The following TRIO variants were observed in gnomAD, a reference collection of about 807,000 sequenced individuals.
TRIO encodes the protein trio Rho guanine nucleotide exchange factor, also known as triple functional domain protein.
In TRIO, 58 loss-of-function variants were observed where a neutral mutation model predicts 351.9. The observed-to-expected ratio is 0.16, with a 90% CI of 0.13 to 0.21. TRIO has a LOEUF of 0.21. TRIO is among the 10% of genes least tolerant of loss of function. TRIO has a pLI of 1.00. For synonymous variants in TRIO, 1,758 were observed against 1,595.7 expected (o/e 1.10, Z -2.42); for missense variants, 3,201 against 4,027.8 (o/e 0.79, Z 5.56).
At chr5:14,493,698 T>C (rs1756663281) in intron 49 of TRIO, among the ~76,000 whole-genome samples, 1 of 152,228 alleles carries the variant, frequency 6.6e-6, no homozygotes, top group African/African-American at 2.4e-5. Context: ...TCTCTCACTT[T>C]AAATCAAAAG....
Position 14,389,322 on chromosome 5 carries a change from G to A in TRIO, c.3982G>A (p.Glu1328Lys). The A allele has an allele frequency of 6.2e-7, 1 of 1,612,558 alleles. No homozygotes were observed. Among genetic ancestry groups the A allele is most frequent in the South Asian group, 1.1e-5 (1 of 90,794 alleles). ...GTGGGAAATGACCAGTGGCGTGGAA[G>A]AGATTCCACCTGGCATTGTAAACAA... ...YLWEMTSGVE[E>K]IPPGIVNKEL... Residue 1328 changes from glutamate (E) to lysine (K), a missense_variant, in exon 25 of 57, where the codon GAG becomes AAG. Coordinates refer to ENST00000344204, the MANE Select transcript of TRIO (RefSeq NM_007118.4).
At chr5:14,293,244 T>C in intron 6 of TRIO, 110 bp downstream of exon 6, 20 of 1,469,906 alleles carry the variant, frequency 1.4e-5, no homozygotes, top group Non-Finnish European at 1.8e-5. Context: ...GAGTGGCTGT[T>C]GATTGTAGCA....
chr5:14,371,110 A>AT (rs1279874871), intron 18 of TRIO, among the ~76,000 whole-genome samples: 25 of 152,184 alleles, frequency 1.6e-4, no homozygotes, highest in Admixed American at 1.6e-3. Context: ...GTTTTAGATG[A>AT]TTTTGCCCAA....
intron 1 of TRIO, among the ~76,000 whole-genome samples, chr5:14,256,705 C>G (rs1795039711): frequency 6.6e-6 from 1 of 152,218 alleles, no homozygotes; most frequent in African/African-American, 2.4e-5. Flanking sequence ...ATATTTAAAA[C>G]CACCAGGCCC....
At chr5:14,282,284 A>G (rs2152278086) in intron 3 of TRIO, among the ~76,000 whole-genome samples, 1 of 152,302 alleles carries the variant, frequency 6.6e-6, no homozygotes, top group Non-Finnish European at 1.5e-5. Context: ...CTAAGCTTTG[A>G]CTATGTGCCA....
At chr5:14,243,567 C>T (rs1183695448) in intron 1 of TRIO, among the ~76,000 whole-genome samples, 1 of 151,998 alleles carries the variant, frequency 6.6e-6, no homozygotes, top group African/African-American at 2.4e-5. Flanking sequence ...AATGACAAAA[C>T]ATAATATCTT....
intron 34 of TRIO, among the ~76,000 whole-genome samples, chr5:14,460,182 C>G (rs1415425978): frequency 6.6e-6 from 1 of 152,232 alleles, no homozygotes; most frequent in African/African-American, 2.4e-5. Context: ...TCCCAAAGTG[C>G]TGGGATTACA....
rs1743959025 is a variant in TRIO at position 14,359,663 on chromosome 5, G to T, written c.2391+132G>T. 6 of 1,124,052 alleles carry T rather than the reference G, an allele frequency of 5.3e-6. No individual in the cohort carries two copies. In the South Asian group the frequency reaches 9.6e-5, roughly 18 times the overall value. The allele number at this position is 1,124,052 out of a possible 1,614,324, so 69.6% of individuals were successfully genotyped here. A position where few individuals can be genotyped will look rare whatever the true frequency, so the allele number is the denominator to read the frequency against. ...CACACCCCAACCCTCTGCACCAGGAGGGGGTGTGGGAGGGAGAGAGGGTCC... is the reference window on the plus strand; with the variant it reads ...CACACCCCAACCCTCTGCACCAGGATGGGGTGTGGGAGGGAGAGAGGGTCC... On this transcript the variant is annotated intron_variant, in intron 13 of 56. Coordinates refer to ENST00000344204, the MANE Select transcript of TRIO (RefSeq NM_007118.4).
At chr5:14,199,471 G>A (rs749188972) in intron 1 of TRIO, among the ~76,000 whole-genome samples, 2 of 152,178 alleles carry the variant, frequency 1.3e-5, no homozygotes, top group Non-Finnish European at 2.9e-5. Context: ...ATTAGTTCTT[G>A]GAAAATTTTA....
chr5:14,164,921 T>A (rs918275311), intron 1 of TRIO, among the ~76,000 whole-genome samples: 13 of 152,224 alleles, frequency 8.5e-5, no homozygotes, highest in African/African-American at 3.1e-4. Flanking sequence ...GTAAGGCTCC[T>A]GGGAACCCTG....
intron 47 of TRIO, among the ~76,000 whole-genome samples, chr5:14,486,824 C>T (rs1755949403): frequency 6.6e-6 from 1 of 152,144 alleles, no homozygotes; most frequent in Non-Finnish European, 1.5e-5. Context: ...TCTGGCTCCT[C>T]AACGCTTGCT....
At chr5:14,202,517 T>A (rs1172474437) in intron 1 of TRIO, among the ~76,000 whole-genome samples, 1 of 151,736 alleles carries the variant, frequency 6.6e-6, no homozygotes, top group Non-Finnish European at 1.5e-5. Context: ...ATGCTTTGAC[T>A]GTGTCCAAAC....
At chr5:14,262,483 G>A (rs867134777) in intron 1 of TRIO, among the ~76,000 whole-genome samples, 6 of 152,072 alleles carry the variant, frequency 3.9e-5, no homozygotes, top group Non-Finnish European at 7.4e-5. Flanking sequence ...CTGTAGTTGC[G>A]GGCACCAAGA....
rs747734387 is a variant in TRIO, at chr5:14,498,653, C to T, written c.8332+13C>T. 8 of 1,610,300 alleles carry T rather than the reference C, an allele frequency of 5.0e-6. No individual in the cohort carries two copies. Among genetic ancestry groups the T allele is most frequent in the East Asian group, 4.5e-5 (2 of 44,730 alleles). On this transcript the variant is annotated intron_variant, in intron 53 of 56. Coordinates refer to ENST00000344204, the MANE Select transcript of TRIO (RefSeq NM_007118.4). ...CTGAGGGTCCTAGGTAAGCACCGTG[C>T]AACGAGGATTCTACGTGACCCAGTG...
chr5:14,479,780 A>T, intron 42 of TRIO, 139 bp from the exon 43 acceptor site: 1 of 648,580 alleles, frequency 1.5e-6, no homozygotes, highest in Non-Finnish European at 2.5e-6. Context: ...GTGAACTAGC[A>T]AAGCTCTAGT....
intron 1 of TRIO, among the ~76,000 whole-genome samples, chr5:14,208,282 A>G (rs1170417398): frequency 3.3e-5 from 5 of 152,240 alleles, no homozygotes; most frequent in Admixed American, 6.5e-5. Flanking sequence ...GATAAACAGG[A>G]TGTGGTATAT....
At chr5:14,206,666 C>A (rs1361078599) in intron 1 of TRIO, among the ~76,000 whole-genome samples, 2 of 152,178 alleles carry the variant, frequency 1.3e-5, no homozygotes, top group East Asian at 3.8e-4. Flanking sequence ...CTGTGTGTTA[C>A]CTGTGTATGA....
intron 34 of TRIO, among the ~76,000 whole-genome samples, chr5:14,455,079 G>A (rs1014753910): frequency 6.6e-6 from 1 of 152,314 alleles, no homozygotes; most frequent in Middle Eastern, 3.4e-3. Flanking sequence ...CGCGGTGAGT[G>A]TTATAGCTCA....
At chr5:14,163,932 G>A (rs934814631) in intron 1 of TRIO, among the ~76,000 whole-genome samples, 11 of 152,186 alleles carry the variant, frequency 7.2e-5, no homozygotes, top group African/African-American at 2.7e-4. Context: ...AATTAAGTAA[G>A]TTTTCCGATC....
Sources: allele counts gnomAD v4.1 joint callset (sites outside exome capture counted in the v4.1 genomes callset), GRCh38; gene constraint gnomAD v4.1.1; transcripts MANE v1.5; gene names NCBI Gene and HGNC (gene_info 2026-07-23, HGNC 2026-07-21).